DEF6: variants seen among roughly 807,000 people sequenced by gnomAD.
DEF6 encodes differentially expressed in FDCP 6 homolog.
A neutral mutation model predicts 80.5 loss-of-function variants in DEF6; 32 were observed. The observed-to-expected ratio is 0.40, with a 90% confidence interval of 0.30 to 0.53. The LOEUF is 0.53. DEF6 is among the 20% of genes least tolerant of loss of function. The probability of loss-of-function intolerance (pLI) is 0.57; values close to 1 mark genes in which losing one functional copy is unlikely to be tolerated. For synonymous variants in DEF6, 300 were observed against 337.9 expected (o/e 0.89, Z 1.23); for missense variants, 575 against 818.7 (o/e 0.70, Z 3.63).
Position 35,319,491 on chromosome 6 carries a change from T to C in DEF6, c.1216-33T>C. ...CCGCCCCCACGTGCCCCTTTTGACC[T>C]GGCTCTTGGTCCACCACCTCCCCCC... On this transcript the variant is annotated intron_variant, in intron 7 of 10. Coordinates refer to ENST00000316637, the MANE Select transcript of DEF6 (RefSeq NM_022047.4). The surrounding 1 kb of genome is among the most constrained non-coding windows in gnomAD (Gnocchi z 4.5). The C allele has an allele frequency of 1.4e-6, 2 of 1,472,492 alleles. No homozygotes were observed. The highest frequency in any genetic ancestry group is 1.8e-6 in the Non-Finnish European group (2 of 1,099,800). 91.2% of individuals were successfully genotyped at this position (1,472,492 alleles called of 1,614,324 possible).
intron 5 of DEF6, among the ~76,000 whole-genome samples, chr6:35,315,585 G>A (rs1276129859): frequency 2.0e-5 from 3 of 151,800 alleles, no homozygotes; most frequent in Admixed American, 1.3e-4. Flanking sequence ...ACATAGCATG[G>A]GATATCTCTC....
At position 35,319,792 on chromosome 6, in the gene DEF6, G is replaced by T; in HGVS notation, c.1383-27G>T. On this transcript the variant is annotated intron_variant, in intron 8 of 10. Transcript: ENST00000316637. This position sits in a 1 kb window ranked among gnomAD's most constrained non-coding sequence, Gnocchi z 4.5. ...CCTGCAAGGTGCCTTGGCACTAGAG[G>T]CTACACAGTACACACTCACCCGGCA... is the stretch of plus-strand genomic sequence containing the variant. 1 of 1,607,362 alleles carries T rather than the reference G, an allele frequency of 6.2e-7. No homozygotes were observed. Among genetic ancestry groups the T allele is most frequent in the South Asian group, 1.1e-5 (1 of 90,232 alleles).
intron 1 of DEF6, among the ~76,000 whole-genome samples, chr6:35,299,446 C>T (rs982374408): frequency 6.6e-6 from 1 of 152,144 alleles, no homozygotes; most frequent in African/African-American, 2.4e-5. Context: ...GAGACCTCTC[C>T]AGGCTCTCTC....
intron 1 of DEF6, among the ~76,000 whole-genome samples, chr6:35,309,371 T>C (rs1791433623): frequency 6.6e-6 from 1 of 152,206 alleles, no homozygotes; most frequent in East Asian, 1.9e-4. Flanking sequence ...TGCATGGGTT[T>C]GAATTCCAGT....
chr6:35,315,458 T>G (rs527439765), intron 5 of DEF6, among the ~76,000 whole-genome samples: 8 of 45,292 alleles, frequency 1.8e-4, no homozygotes, highest in Middle Eastern at 0.011. Flanking sequence ...CGTATAAATT[T>G]TAGGATTTTT....
rs2150386779 is a variant in DEF6, at chr6:35,309,825, G to A, written c.237+15G>A. Reference sequence around the variant, plus strand: ...TCCTGGACAAGGTGGGGCCCAGCTTGTAGGGAGCATCTGTAACCTCTCCCC... The same window carrying A: ...TCCTGGACAAGGTGGGGCCCAGCTTATAGGGAGCATCTGTAACCTCTCCCC... On this transcript the variant is annotated intron_variant, in intron 2 of 10. Coordinates refer to ENST00000316637, the MANE Select transcript of DEF6 (RefSeq NM_022047.4). 6.2e-7 allele frequency: 1 copy of A among 1,613,378 alleles called. No homozygotes were observed. Among genetic ancestry groups the A allele is most frequent in the Non-Finnish European group, 8.5e-7 (1 of 1,179,598 alleles).
intron 5 of DEF6, among the ~76,000 whole-genome samples, chr6:35,316,400 C>G (rs1791525939): frequency 6.6e-6 from 1 of 152,166 alleles, no homozygotes; most frequent in Non-Finnish European, 1.5e-5. Context: ...TCATTTCCTT[C>G]TCTTGCCTAA....
Position 35,318,202 on chromosome 6 carries a change from G to A in DEF6, c.946G>A (p.Glu316Lys), listed in dbSNP as rs767103969. 3 of 1,582,552 alleles carry A rather than the reference G, an allele frequency of 1.9e-6. No homozygotes were observed. Among genetic ancestry groups the A allele is most frequent in the East Asian group, 2.3e-5 (1 of 44,146 alleles). ...CCAGATGGCGATCCGGCTGCAGGCCGAGGGGAAGACGTCCCTACACAAGGA... is the reference window on the plus strand; with the variant it reads ...CCAGATGGCGATCCGGCTGCAGGCCAAGGGGAAGACGTCCCTACACAAGGA... Reference protein sequence around the residue: ...AIQMAIRLQAEGKTSLHKDLK... With the variant: ...AIQMAIRLQAKGKTSLHKDLK... The change falls in exon 7 of 11, where the codon GAG becomes AAG. Residue 316 changes from glutamate to lysine, a missense_variant. Glu to Lys is a moderately conservative substitution (Grantham distance 56). Coordinates refer to ENST00000316637, the MANE Select transcript of DEF6 (RefSeq NM_022047.4). This position sits in a 1 kb window ranked among gnomAD's most constrained non-coding sequence, Gnocchi z 5.1.
intron 5 of DEF6, among the ~76,000 whole-genome samples, chr6:35,314,407 C>T (rs1472135102): frequency 1.0e-5 from 1 of 99,268 alleles, no homozygotes; most frequent in African/African-American, 3.7e-5. Context: ...AACTCTATCT[C>T]AAAAAAAAAA....
rs1417120397 is a variant in DEF6 at position 35,321,758 on chromosome 6, G to A, written c.*348G>A. 4.9e-6 allele frequency: 1 copy of A among 203,978 alleles called. No individual in the cohort carries two copies. Among genetic ancestry groups the A allele is most frequent in the African/African-American group, 2.3e-5 (1 of 43,226 alleles). 12.6% of individuals were successfully genotyped at this position (203,978 alleles called of 1,614,324 possible). The stretch of plus-strand genomic sequence containing the variant: ...GGAAGCACATTTCTAAATAAAAACT[G>A]CTCTTAGAATGAATTATTGGCTCAG... On this transcript the variant is annotated 3_prime_UTR_variant, in exon 11 of 11. Coordinates refer to ENST00000316637, the MANE Select transcript of DEF6 (RefSeq NM_022047.4).
At chr6:35,298,184 G>A (rs544229598) in intron 1 of DEF6, among the ~76,000 whole-genome samples, 1 of 152,324 alleles carries the variant, frequency 6.6e-6, no homozygotes, top group Non-Finnish European at 1.5e-5. Flanking sequence ...GCGCAGAACT[G>A]GGCCCCACAA....
intron 1 of DEF6, among the ~76,000 whole-genome samples, chr6:35,298,641 C>T (rs1791274297): frequency 6.6e-6 from 1 of 152,228 alleles, no homozygotes; most frequent in South Asian, 2.1e-4. Context: ...TGAAGTCAAT[C>T]ATCTGGCCTA....
At chr6:35,299,643 ACTGT>A (rs1791287566) in intron 1 of DEF6, among the ~76,000 whole-genome samples, 1 of 152,116 alleles carries the variant, frequency 6.6e-6, no homozygotes, top group Non-Finnish European at 1.5e-5. Flanking sequence ...TGAACTGTCC[ACTGT>A]CTGTACCTCA....
rs765101386 is a variant in DEF6 at position 35,318,257 on chromosome 6, A to G, written c.1001A>G (p.Glu334Gly). 2.5e-6 allele frequency: 4 copies of G among 1,584,436 alleles called. No individual in the cohort carries two copies. Among genetic ancestry groups the G allele is most frequent in the Non-Finnish European group, 1.7e-6 (2 of 1,166,900 alleles). The change falls in exon 7 of 11, where the codon GAG becomes GGG. Residue 334 changes from glutamate to glycine, a missense_variant. Physicochemically the swap from Glu to Gly is moderately conservative, Grantham distance 98. Transcript: ENST00000316637. The surrounding 1 kb of genome is among the most constrained non-coding windows in gnomAD (Gnocchi z 5.1). The stretch of plus-strand genomic sequence containing the variant: ...AAGCAGAAACGGCGCGAGCAGCGGG[A>G]GCAGCGGGAGCGGCGCCGGGCGGCC... ...DLKQKRREQR[E>G]QRERRRAAKE...
chr6:35,320,121 G>A, intron 9 of DEF6, 104 bp downstream of exon 9: 2 of 1,189,220 alleles, frequency 1.7e-6, no homozygotes, highest in African/African-American at 1.5e-5. Context: ...CCTAGCAGCT[G>A]CTGGCTGTGT....
intron 5 of DEF6, among the ~76,000 whole-genome samples, chr6:35,317,417 T>C (rs922040863): frequency 5.9e-5 from 9 of 152,242 alleles, no homozygotes; most frequent in Non-Finnish European, 1.2e-4. Context: ...TTCCACAGAA[T>C]GTAAACTTAA....
rs190396363 is a variant in DEF6 at position 35,317,697 on chromosome 6, G to A, written c.808-194G>A. 378 of 548,224 alleles carry A rather than the reference G, an allele frequency of 6.9e-4. 3 individuals are homozygous for A. In the East Asian group the frequency reaches 0.012, roughly 17 times the overall value. The allele number at this position is 548,224 out of a possible 1,614,324, so 34.0% of individuals were successfully genotyped here. ...GAAACGCACCCACCTAGCCTTCAAA[G>A]AGCAAAGGCTACAGAGTTGTGGGGA... On this transcript the variant is annotated intron_variant, in intron 5 of 10. Coordinates refer to ENST00000316637, the MANE Select transcript of DEF6 (RefSeq NM_022047.4).
In DEF6 at chr6:35,312,478, C is replaced by T. The variant is rs1316404327; in HGVS notation, c.600C>T (p.Asp200=). The part of the protein sequence containing the change: ...SGRCLRGVGR[D]TLSMAIHEVY... ...GCTGCCTGCGGGGCGTGGGCCGGGA[C>T]ACCCTCAGCATGGCCATCCACGAGG... The change falls in exon 4 of 11, where the codon GAC becomes GAT. Residue 200 remains aspartate, a synonymous_variant. Coordinates refer to ENST00000316637, the MANE Select transcript of DEF6 (RefSeq NM_022047.4). The surrounding 1 kb of genome is among the most constrained non-coding windows in gnomAD (Gnocchi z 6.6). 6.2e-7 allele frequency: 1 copy of T among 1,614,174 alleles called. No homozygotes were observed. Among genetic ancestry groups the T allele is most frequent in the East Asian group, 2.2e-5 (1 of 44,880 alleles).
intron 5 of DEF6, among the ~76,000 whole-genome samples, chr6:35,316,326 TAGA>T (rs1791525365): frequency 6.6e-6 from 1 of 152,140 alleles, no homozygotes. Flanking sequence ...TTTTTCTAAG[TAGA>T]AGACCATGCC....
Sources: gnomAD v4.1 joint callset for allele counts (sites outside exome capture counted in the v4.1 genomes callset) on GRCh38, gnomAD v4.1.1 for gene constraint, Gnocchi (gnomAD v3.1) non-coding constraint, MANE v1.5 for transcripts, NCBI Gene and HGNC (gene_info 2026-07-23, HGNC 2026-07-21) for gene names.